Variants in WWOX observed in about 807,000 individuals in gnomAD.
WWOX encodes WW domain containing oxidoreductase, also known as WW domain-containing oxidoreductase.
In WWOX, 69 loss-of-function variants were observed where a neutral mutation model predicts 46.2. The ratio of observed to expected loss-of-function variants is 1.49; its 90% confidence interval spans 1.23 to 1.82. The LOEUF is 1.82. WWOX is among the 40% of genes most tolerant of loss of function. WWOX has a pLI of 0.00. For missense variants in WWOX, 919 were observed against 542.6 expected, an observed-to-expected ratio of 1.69 and a Z score of -6.89; for synonymous variants, 359 against 202.6, an observed-to-expected ratio of 1.77 and a Z score of -6.56.
At chr16:78,640,932 C>T (rs2046691999) in intron 8 of WWOX, among the ~76,000 whole-genome samples, 1 of 81,490 alleles carries the variant, frequency 1.2e-5, no homozygotes. Context: ...GCGCGAGATT[C>T]TGTCTTCAAA....
At chr16:78,286,587 T>G (rs2079770999) in intron 5 of WWOX, among the ~76,000 whole-genome samples, 1 of 152,216 alleles carries the variant, frequency 6.6e-6, no homozygotes, top group African/African-American at 2.4e-5. Flanking sequence ...AACTTGATTC[T>G]TGATTTTTTT....
intron 8 of WWOX, among the ~76,000 whole-genome samples, chr16:78,701,624 T>C (rs2048220122): frequency 1.3e-5 from 2 of 151,610 alleles, no homozygotes; most frequent in African/African-American, 4.8e-5. Context: ...TCCCCCACAC[T>C]CCTTCTTTCC....
chr16:79,162,227 C>A (rs371291829), intron 8 of WWOX, among the ~76,000 whole-genome samples: 47 of 152,290 alleles, frequency 3.1e-4, no homozygotes, highest in East Asian at 2.7e-3. Flanking sequence ...ATGTATCATT[C>A]GTTCAGCCAT....
intron 8 of WWOX, among the ~76,000 whole-genome samples, chr16:78,963,800 TC>T (rs982517956): frequency 6.6e-5 from 10 of 152,176 alleles, no homozygotes; most frequent in African/African-American, 2.4e-4. Context: ...TTTGGCTGTG[TC>T]CCCACCCAAA....
intron 4 of WWOX, among the ~76,000 whole-genome samples, chr16:78,162,257 A>C (rs1211734840): frequency 2.0e-5 from 3 of 152,122 alleles, no homozygotes; most frequent in African/African-American, 7.2e-5. Flanking sequence ...ATTTTTTTTC[A>C]GCTGTGGCTT....
chr16:79,133,318 C>G (rs780435326), intron 8 of WWOX, among the ~76,000 whole-genome samples: 2 of 152,194 alleles, frequency 1.3e-5, no homozygotes, highest in Non-Finnish European at 2.9e-5. Context: ...TAACAATTTT[C>G]CACCTTGCCA....
intron 8 of WWOX, among the ~76,000 whole-genome samples, chr16:78,914,229 C>T (rs556422846): frequency 6.6e-6 from 1 of 152,122 alleles, no homozygotes; most frequent in African/African-American, 2.4e-5. Flanking sequence ...TCTGTCTATC[C>T]ATCCGTCTAT....
intron 5 of WWOX, among the ~76,000 whole-genome samples, chr16:78,277,555 G>A (rs2079601603): frequency 6.6e-6 from 1 of 152,114 alleles, no homozygotes; most frequent in African/African-American, 2.4e-5. Context: ...AGGGGGTGGG[G>A]GAGGGCACAG....
chr16:78,433,226 A>G (rs1435273215), intron 8 of WWOX, among the ~76,000 whole-genome samples: 4 of 152,136 alleles, frequency 2.6e-5, no homozygotes, highest in South Asian at 2.1e-4. Flanking sequence ...TCTAATGGGT[A>G]TAATCCTCTG....
In WWOX at chr16:79,177,958, T is replaced by C. The variant is rs372837044; in HGVS notation, c.1057-33650T>C. Among the ~76,000 whole-genome samples, 34 of 152,330 alleles carry C rather than the reference T, an allele frequency of 2.2e-4. No individual in the cohort carries two copies. The East Asian group carries it at 5.6e-3, about 25-fold the overall frequency. Reference sequence around the variant, plus strand: ...GCAAAGCAACGGCAGATTCAGCTTCTGTTGAGGGCTCGTTCCCTGGCTCAT... The same window carrying C: ...GCAAAGCAACGGCAGATTCAGCTTCCGTTGAGGGCTCGTTCCCTGGCTCAT... On this transcript the variant is annotated intron_variant, in intron 8 of 8. Coordinates refer to ENST00000566780, the MANE Select transcript of WWOX (RefSeq NM_016373.4).
chr16:78,812,753 A>G (rs958543101), intron 8 of WWOX, among the ~76,000 whole-genome samples: 1 of 151,998 alleles, frequency 6.6e-6, no homozygotes, highest in African/African-American at 2.4e-5. Flanking sequence ...AAATCTATCC[A>G]AAGGCCTTGA....
At chr16:78,849,408 A>T (rs2052383417) in intron 8 of WWOX, among the ~76,000 whole-genome samples, 1 of 151,630 alleles carries the variant, frequency 6.6e-6, no homozygotes, top group Non-Finnish European at 1.5e-5. Flanking sequence ...CATCTCTATT[A>T]AAAATACAAA....
chr16:79,145,369 T>C (rs2050165570), intron 8 of WWOX, among the ~76,000 whole-genome samples: 1 of 152,222 alleles, frequency 6.6e-6, no homozygotes, highest in South Asian at 2.1e-4. Context: ...GATTTTTTTG[T>C]TAATTATTTT....
At chr16:78,621,669 A>C (rs2151644816) in intron 8 of WWOX, among the ~76,000 whole-genome samples, 1 of 122,268 alleles carries the variant, frequency 8.2e-6, no homozygotes, top group Middle Eastern at 7.1e-3. Flanking sequence ...CAGTGGCACC[A>C]TCTCGGCTCA....
At chr16:78,629,468 T>C (rs967671867) in intron 8 of WWOX, among the ~76,000 whole-genome samples, 8 of 152,192 alleles carry the variant, frequency 5.3e-5, no homozygotes, top group African/African-American at 1.7e-4. Context: ...TTCTCTAAAA[T>C]AGAAATCTGA....
intron 8 of WWOX, among the ~76,000 whole-genome samples, chr16:78,827,161 A>C (rs1477721257): frequency 6.6e-6 from 1 of 152,104 alleles, no homozygotes; most frequent in Non-Finnish European, 1.5e-5. Flanking sequence ...TGTTCCCCCA[A>C]CTGCAAAGTA....
At chr16:79,148,671 T>C (rs368400730) in intron 8 of WWOX, among the ~76,000 whole-genome samples, 4 of 152,324 alleles carry the variant, frequency 2.6e-5, no homozygotes, top group East Asian at 3.9e-4. Context: ...TTCGGGAGAA[T>C]TGACATCTTT....
At chr16:79,073,888 C>T (rs1042530648) in intron 8 of WWOX, among the ~76,000 whole-genome samples, 1 of 151,850 alleles carries the variant, frequency 6.6e-6, no homozygotes, top group Non-Finnish European at 1.5e-5. Flanking sequence ...TTAAAATGGG[C>T]TTATATTTTG....
chr16:78,186,129 TA>T (rs1001607378), intron 5 of WWOX, among the ~76,000 whole-genome samples: 56 of 152,188 alleles, frequency 3.7e-4, no homozygotes, highest in African/African-American at 1.2e-3. Context: ...TCAGACAGTA[TA>T]AAAAAATCTT....
Sources: allele counts gnomAD v4.1 joint callset (sites outside exome capture counted in the v4.1 genomes callset), GRCh38; gene constraint gnomAD v4.1.1; transcripts MANE v1.5; gene names NCBI Gene and HGNC (gene_info 2026-07-23, HGNC 2026-07-21).